Variants in CNIH3 observed in about 807,000 individuals in gnomAD.
CNIH3 encodes cornichon family AMPA receptor auxiliary protein 3, also known as protein cornichon homolog 3.
In CNIH3, 14 loss-of-function variants were observed where a neutral mutation model predicts 24.1. The ratio of observed to expected loss-of-function variants is 0.58; its 90% CI spans 0.38 to 0.91. The LOEUF (loss-of-function observed/expected upper bound fraction) is 0.91. Among genes scored for constraint, CNIH3 ranks in the 40% least tolerant of loss-of-function variants. The pLI is 0.00. For synonymous variants in CNIH3, 68 were observed against 73.8 expected (o/e 0.92, Z 0.40); for missense variants, 178 against 196.8 (o/e 0.90, Z 0.57).
At chr1:224,739,075 G>A (rs1254298470) in intron 5 of CNIH3, among the ~76,000 whole-genome samples, 2 of 152,060 alleles carry the variant, frequency 1.3e-5, no homozygotes, top group African/African-American at 4.8e-5. Flanking sequence ...ATGATAATAG[G>A]CACTTAGAGC....
intron 1 of CNIH3, among the ~76,000 whole-genome samples, chr1:224,496,740 A>C (rs552939054): frequency 4.6e-5 from 7 of 152,350 alleles, no homozygotes; most frequent in Admixed American, 1.3e-4. Flanking sequence ...GTGGCATAGG[A>C]TATCATGGTG....
chr1:224,546,260 T>C (rs1264833327), intron 2 of CNIH3, among the ~76,000 whole-genome samples: 2 of 152,150 alleles, frequency 1.3e-5, no homozygotes, highest in African/African-American at 4.8e-5. Context: ...AATCCCAATA[T>C]ATGAAGTTAT....
chr1:224,694,397 G>A (rs1687068810), intron 3 of CNIH3, among the ~76,000 whole-genome samples: 1 of 152,174 alleles, frequency 6.6e-6, no homozygotes, highest in African/African-American at 2.4e-5. Flanking sequence ...CATTGAGAGG[G>A]TCCCTAAACC....
chr1:224,612,158 G>A (rs757029762), upstream of CNIH3, among the ~76,000 whole-genome samples: 9 of 152,106 alleles, frequency 5.9e-5, no homozygotes, highest in Admixed American at 2.0e-4. This position sits in a 1 kb window ranked among gnomAD's most constrained non-coding sequence, Gnocchi z 4.7. Flanking sequence ...AATTCAGACC[G>A]GTTCTCCCAC....
At chr1:224,611,227 A>C (rs1190527819) in intron 3 of CNIH3, among the ~76,000 whole-genome samples, 1 of 152,204 alleles carries the variant, frequency 6.6e-6, no homozygotes, top group Non-Finnish European at 1.5e-5. Context: ...TGAGGCTAGC[A>C]AGTCAGGAGG....
At chr1:224,671,885 G>A (rs1173177692) in intron 1 of CNIH3, among the ~76,000 whole-genome samples, 1 of 152,134 alleles carries the variant, frequency 6.6e-6, no homozygotes, top group Non-Finnish European at 1.5e-5. Flanking sequence ...CTTGCTTCTT[G>A]GAGGCTCAGA....
intron 4 of CNIH3, among the ~76,000 whole-genome samples, chr1:224,568,118 C>T (rs1341499299): frequency 2.0e-5 from 3 of 152,016 alleles, no homozygotes; most frequent in Admixed American, 6.6e-5. Flanking sequence ...GGTAAAACCC[C>T]GTCTTTACTA....
chr1:224,505,220 GC>G (rs1677858576), intron 1 of CNIH3, among the ~76,000 whole-genome samples: 2 of 151,550 alleles, frequency 1.3e-5, no homozygotes, highest in African/African-American at 4.9e-5. Flanking sequence ...GATTGTTTGA[GC>G]CCGGGAAGTC....
intron 3 of CNIH3, among the ~76,000 whole-genome samples, chr1:224,598,873 A>G (rs1046001936): frequency 1.3e-5 from 2 of 152,346 alleles, no homozygotes; most frequent in South Asian, 2.1e-4. Context: ...CAAAAAATTC[A>G]TGTGACTCCA....
At chr1:224,729,067 A>G (rs961464240) in intron 3 of CNIH3, among the ~76,000 whole-genome samples, 1 of 152,090 alleles carries the variant, frequency 6.6e-6, no homozygotes, top group African/African-American at 2.4e-5. Context: ...GCCCAGAGGT[A>G]CAGGGGAGGG....
intron 3 of CNIH3, among the ~76,000 whole-genome samples, chr1:224,720,252 C>CTTTTTTTTTTTTTTTTTTT (rs10625559): frequency 7.0e-6 from 1 of 142,084 alleles, no homozygotes; most frequent in African/African-American, 2.6e-5. Context: ...GGATAGTCAT[C>CTTTTTTTTTTTTTTTTTTT]TTTTTTTTTT....
At chr1:224,524,325 A>C (rs1678761116) in intron 2 of CNIH3, among the ~76,000 whole-genome samples, 1 of 152,228 alleles carries the variant, frequency 6.6e-6, no homozygotes, top group Non-Finnish European at 1.5e-5. Flanking sequence ...TGATGTACAT[A>C]AAGGACTGGT....
intron 1 of CNIH3, among the ~76,000 whole-genome samples, chr1:224,636,283 A>G (rs1169109852): frequency 6.6e-6 from 1 of 152,226 alleles, no homozygotes; most frequent in Non-Finnish European, 1.5e-5. Context: ...AAAGAGGGAT[A>G]CAGTCATGTA....
intron 1 of CNIH3, among the ~76,000 whole-genome samples, chr1:224,668,120 A>C (rs1685684174): frequency 6.6e-6 from 1 of 152,240 alleles, no homozygotes; most frequent in African/African-American, 2.4e-5. Context: ...GCATAAAAGG[A>C]AATGAATGAA....
chr1:224,603,496 T>G (rs944805577), intron 3 of CNIH3, among the ~76,000 whole-genome samples: 1 of 152,218 alleles, frequency 6.6e-6, no homozygotes, highest in Non-Finnish European at 1.5e-5. Context: ...GAGCTTTACC[T>G]GGATCTGCTT....
chr1:224,723,692 G>A (rs10799278), intron 3 of CNIH3, among the ~76,000 whole-genome samples: 47,004 of 152,114 alleles, frequency 0.31, 7,454 homozygotes, highest in African/African-American at 0.36. Flanking sequence ...CGTGTTCCTG[G>A]TGCAGGCCTA....
chr1:224,452,054 C>G (rs1675421053), intron 1 of CNIH3, among the ~76,000 whole-genome samples: 1 of 152,108 alleles, frequency 6.6e-6, no homozygotes. Context: ...TCAGCTGCCA[C>G]TTGTATTTAT....
intron 3 of CNIH3, among the ~76,000 whole-genome samples, chr1:224,559,232 A>G (rs577136269): frequency 3.0e-4 from 46 of 152,326 alleles, no homozygotes; most frequent in African/African-American, 1.1e-3. Context: ...GTTTTGCTTC[A>G]GAGGATGTTT....
upstream of CNIH3, among the ~76,000 whole-genome samples, chr1:224,512,019 T>C (rs1678172437): frequency 6.6e-6 from 1 of 151,502 alleles, no homozygotes; most frequent in African/African-American, 2.4e-5. Context: ...CTACTAAAAA[T>C]ACAAAATTAG....
Sources: gnomAD v4.1 joint callset for allele counts (sites outside exome capture counted in the v4.1 genomes callset) on GRCh38, gnomAD v4.1.1 for gene constraint, Gnocchi (gnomAD v3.1) non-coding constraint, MANE v1.5 for transcripts, NCBI Gene and HGNC (gene_info 2026-07-23, HGNC 2026-07-21) for gene names.